TENM4: variants seen among roughly 807,000 people sequenced by gnomAD.
The protein encoded by TENM4 is teneurin transmembrane protein 4.
In TENM4, 82 loss-of-function variants were observed where a neutral mutation model predicts 243.3. The ratio of observed to expected loss-of-function variants is 0.34; its 90% CI spans 0.28 to 0.40. The LOEUF (loss-of-function observed/expected upper bound fraction) is 0.40. Ranked by LOEUF, TENM4 falls within the 10% of genes least tolerant of loss-of-function variation. TENM4 has a pLI of 1.00. For synonymous variants in TENM4, 1,412 were observed against 1,456.3 expected, an observed-to-expected ratio of 0.97 and a Z score of 0.69; for missense variants, 3,138 against 3,673.3, an observed-to-expected ratio of 0.85 and a Z score of 3.77.
In TENM4 at chr11:78,767,982, C is replaced by G. The variant is rs1045617166; in HGVS notation, c.2539+3010G>C. Among the ~76,000 whole-genome samples the G allele has an allele frequency of 2.0e-5, 3 of 152,214 alleles. No homozygotes were observed. In the East Asian group the frequency reaches 5.8e-4, roughly 29 times the overall value. ...ATGAGCCCTACAAAGGTGTGCTTGG[C>G]TGAACTGAAAGTAGCCCAATGCAAA... On this transcript the variant is annotated intron_variant, in intron 18 of 33. Transcript: ENST00000278550.
chr11:78,714,227 T>C (rs770199725), intron 25 of TENM4, among the ~76,000 whole-genome samples: 15 of 152,346 alleles, frequency 9.8e-5, no homozygotes, highest in Non-Finnish European at 1.6e-4. Context: ...AGCAAAATTT[T>C]ATTTTACAGA....
intron 10 of TENM4, among the ~76,000 whole-genome samples, chr11:78,861,732 G>T (rs1486955776): frequency 6.6e-6 from 1 of 152,182 alleles, no homozygotes; most frequent in Non-Finnish European, 1.5e-5. Flanking sequence ...CTGGTGGCTG[G>T]AAGGCAAATT....
chr11:79,075,408 C>T (rs1860515373), intron 4 of TENM4, among the ~76,000 whole-genome samples: 1 of 152,132 alleles, frequency 6.6e-6, no homozygotes, highest in Non-Finnish European at 1.5e-5. Context: ...GCCCTGGGCA[C>T]AGGACATTTA....
chr11:79,091,717 G>A (rs1860956828), intron 4 of TENM4, among the ~76,000 whole-genome samples: 1 of 152,058 alleles, frequency 6.6e-6, no homozygotes, highest in African/African-American at 2.4e-5. Context: ...AAAAACATGG[G>A]ACTGCAGGAT....
intron 9 of TENM4, among the ~76,000 whole-genome samples, chr11:78,879,910 C>A (rs1859385158): frequency 6.6e-6 from 1 of 152,096 alleles, no homozygotes; most frequent in Admixed American, 6.5e-5. Context: ...TGAGGAGCAC[C>A]TCTGCCCAGC....
At position 78,903,295 on chromosome 11, in the gene TENM4, A is replaced by T; in HGVS notation, c.722T>A (p.Leu241His). ...GGTCTCCAGGGGGATGTTGCTGTTGAGCAGCCAGTTCTCCTGGGCGTGGGC... is the reference window on the plus strand; with the variant it reads ...GGTCTCCAGGGGGATGTTGCTGTTGTGCAGCCAGTTCTCCTGGGCGTGGGC... ...EPAHAQENWL[L>H]NSNIPLETRN... The change falls in exon 7 of 34, where the codon CTC becomes CAC. Residue 241 changes from leucine (L) to histidine (H), a missense_variant. Physicochemically the swap from Leu to His is moderately conservative, Grantham distance 99. Coordinates refer to ENST00000278550, the MANE Select transcript of TENM4 (RefSeq NM_001098816.3). 2 of 1,488,548 alleles carry T rather than the reference A, an allele frequency of 1.3e-6. No homozygotes were observed. 92.2% of individuals were successfully genotyped at this position (1,488,548 alleles called of 1,614,324 possible).
chr11:79,414,106 C>A (rs1006067711), intron 1 of TENM4, among the ~76,000 whole-genome samples: 1 of 151,902 alleles, frequency 6.6e-6, no homozygotes, highest in Non-Finnish European at 1.5e-5. Flanking sequence ...ATCCCTTGGT[C>A]CTGCCCTGCA....
At chr11:78,938,660 C>T (rs965082117) in intron 6 of TENM4, among the ~76,000 whole-genome samples, 1 of 152,074 alleles carries the variant, frequency 6.6e-6, no homozygotes, top group Non-Finnish European at 1.5e-5. Context: ...GAACAAGTGC[C>T]TACATTATTC....
intron 16 of TENM4, among the ~76,000 whole-genome samples, chr11:78,784,438 C>T (rs746362450): frequency 1.3e-5 from 2 of 151,996 alleles, no homozygotes; most frequent in African/African-American, 4.8e-5. Flanking sequence ...CTCATGGGGA[C>T]GCAGCTGGCC....
chr11:79,415,004 C>T (rs1858782866), intron 1 of TENM4, among the ~76,000 whole-genome samples: 1 of 152,216 alleles, frequency 6.6e-6, no homozygotes, highest in African/African-American at 2.4e-5. Context: ...GGCAAGCATG[C>T]TGACTGGGGC....
At chr11:78,985,765 G>A (rs1356094055) in intron 6 of TENM4, among the ~76,000 whole-genome samples, 1 of 151,920 alleles carries the variant, frequency 6.6e-6, no homozygotes, top group Non-Finnish European at 1.5e-5. Flanking sequence ...ATGCAGAAAT[G>A]CTTAACCTGT....
chr11:79,266,233 C>T (rs1251176557), intron 2 of TENM4, among the ~76,000 whole-genome samples: 2 of 152,140 alleles, frequency 1.3e-5, no homozygotes, highest in African/African-American at 4.8e-5. Flanking sequence ...ATAGATCTCA[C>T]GCATCAAGGG....
chr11:78,848,262 A>C (rs977178469), intron 12 of TENM4, among the ~76,000 whole-genome samples: 3 of 151,988 alleles, frequency 2.0e-5, no homozygotes, highest in African/African-American at 4.8e-5. Flanking sequence ...CTCTAGCTCT[A>C]ATCATTTTAT....
intron 6 of TENM4, among the ~76,000 whole-genome samples, chr11:78,938,306 CA>C (rs1198805674): frequency 2.0e-5 from 3 of 152,150 alleles, no homozygotes; most frequent in Admixed American, 1.3e-4. Flanking sequence ...CTAAAACTTG[CA>C]AAAATAGTAC....
intron 2 of TENM4, among the ~76,000 whole-genome samples, chr11:79,266,382 C>G (rs1855884104): frequency 6.6e-6 from 1 of 152,204 alleles, no homozygotes; most frequent in Non-Finnish European, 1.5e-5. Context: ...TTTTATGGAG[C>G]TTTCCTGCTT....
chr11:78,948,780 C>T (rs192991864), intron 6 of TENM4, among the ~76,000 whole-genome samples: 3 of 152,302 alleles, frequency 2.0e-5, no homozygotes, highest in Admixed American at 6.5e-5. Flanking sequence ...GCCTCCTACC[C>T]ACCCAAATAC....
At chr11:78,804,483 C>T (rs201242252) in intron 15 of TENM4, among the ~76,000 whole-genome samples, 132 of 152,256 alleles carry the variant, frequency 8.7e-4, no homozygotes, top group African/African-American at 3.0e-3. Flanking sequence ...AGAGATGAGA[C>T]GTGACCATAA....
rs189902548 is a variant in TENM4, at chr11:79,327,272, C to T, written c.-320-29729G>A. On this transcript the variant is annotated intron_variant, in intron 1 of 33. Transcript: ENST00000278550. ...AACACTATAATTGAGACAGTGGCCCCGGGTTTCATCACTAGATGATAGTGA... is the reference window on the plus strand; with the variant it reads ...AACACTATAATTGAGACAGTGGCCCTGGGTTTCATCACTAGATGATAGTGA... Among the ~76,000 whole-genome samples the T allele has an allele frequency of 1.1e-3, 168 of 152,222 alleles. 1 individual carries two copies. The Middle Eastern group carries it at 0.02, about 18-fold the overall frequency.
chr11:79,370,779 TAA>T (rs544196671), intron 1 of TENM4, among the ~76,000 whole-genome samples: 172 of 57,146 alleles, frequency 3.0e-3, no homozygotes, highest in Middle Eastern at 0.018. Flanking sequence ...ACTCCTATGG[TAA>T]AAAAAAAAAA....
Sources: gnomAD v4.1 joint callset for allele counts (sites outside exome capture counted in the v4.1 genomes callset) on GRCh38, gnomAD v4.1.1 for gene constraint, MANE v1.5 for transcripts, NCBI Gene and HGNC (gene_info 2026-07-23, HGNC 2026-07-21) for gene names.